LPCAT3: variants seen among roughly 807,000 people sequenced by gnomAD.
LPCAT3 encodes the protein lysophosphatidylcholine acyltransferase 3.
Under a neutral mutation model 63.4 loss-of-function variants are expected in LPCAT3, and 21 were observed. That is an observed-to-expected ratio of 0.33 (90% CI 0.23 to 0.48). The LOEUF is 0.48. Ranked by LOEUF, LPCAT3 falls within the 20% of genes least tolerant of loss-of-function variation. The probability of loss-of-function intolerance (pLI) is 0.99; values close to 1 mark genes in which losing one functional copy is unlikely to be tolerated. For missense variants in LPCAT3, 451 were observed against 590.6 expected, an observed-to-expected ratio of 0.76 and a Z score of 2.45; for synonymous variants, 242 against 227.5, an observed-to-expected ratio of 1.06 and a Z score of -0.58.
At chr12:7,002,371 C>T (rs1162401636) in intron 1 of LPCAT3, among the ~76,000 whole-genome samples, 1 of 152,216 alleles carries the variant, frequency 6.6e-6, no homozygotes, top group Non-Finnish European at 1.5e-5. Flanking sequence ...AAGGTCCGTG[C>T]TCCTCTTCTA....
At chr12:7,016,811 GGAT>G (rs1293555679) in intron 1 of LPCAT3, among the ~76,000 whole-genome samples, 2 of 152,212 alleles carry the variant, frequency 1.3e-5, no homozygotes, top group Non-Finnish European at 2.9e-5. Context: ...TGATAAATTT[GGAT>G]GATGTCTGGG....
chr12:7,006,978 CCTT>C (rs1422383414), intron 1 of LPCAT3, among the ~76,000 whole-genome samples: 1 of 152,190 alleles, frequency 6.6e-6, no homozygotes, highest in African/African-American at 2.4e-5. Context: ...GGAACTTTAA[CCTT>C]CTGGGATCTA....
At position 7,018,430 on chromosome 12, in the gene LPCAT3, C is replaced by T. The variant is rs1946810932; in HGVS notation, c.-6G>A. The T allele has an allele frequency of 6.3e-7, 1 of 1,595,946 alleles. No homozygotes were observed. The highest frequency in any genetic ancestry group is 8.5e-7 in the Non-Finnish European group (1 of 1,170,080). ...CCCTCCGCTGAGGACGCCATCTTAACTCCGGGAGCCCCACAGGGACCCCCC... is the reference window on the plus strand; with the variant it reads ...CCCTCCGCTGAGGACGCCATCTTAATTCCGGGAGCCCCACAGGGACCCCCC... On this transcript the variant is annotated 5_prime_UTR_variant, in exon 1 of 13. Transcript: ENST00000261407. This position sits in a 1 kb window ranked among gnomAD's most constrained non-coding sequence, Gnocchi z 4.9.
intron 1 of LPCAT3, among the ~76,000 whole-genome samples, chr12:7,003,126 C>G (rs781787825): frequency 6.6e-6 from 1 of 152,074 alleles, no homozygotes; most frequent in Non-Finnish European, 1.5e-5. Flanking sequence ...ATGGGCAAAG[C>G]ACAAATGACA....
At chr12:6,991,401 T>C (rs1436095231) in intron 1 of LPCAT3, among the ~76,000 whole-genome samples, 4 of 152,238 alleles carry the variant, frequency 2.6e-5, no homozygotes, top group African/African-American at 9.6e-5. Flanking sequence ...TGCATGACTT[T>C]GTAACATCAC....
intron 1 of LPCAT3, among the ~76,000 whole-genome samples, chr12:6,988,652 T>C (rs1946553218): frequency 6.6e-6 from 1 of 152,156 alleles, no homozygotes; most frequent in Non-Finnish European, 1.5e-5. Context: ...TTGGCTTCCG[T>C]GGGTCTGAGT....
chr12:6,997,587 TTTC>T (rs1385575048), intron 1 of LPCAT3, among the ~76,000 whole-genome samples: 3 of 150,820 alleles, frequency 2.0e-5, no homozygotes, highest in African/African-American at 7.3e-5. Context: ...CTGATTTTCT[TTTC>T]TTTTTTTTTT....
intron 4 of LPCAT3, 76 bp from the exon 5 acceptor site, chr12:6,981,708 CAGAAG>C: frequency 1.1e-6 from 1 of 918,898 alleles, no homozygotes; most frequent in Non-Finnish European, 1.7e-6. Context: ...TGAGTGCAGC[CAGAAG>C]TGTATGGCGG....
chr12:7,010,562 C>T (rs1158791069), intron 1 of LPCAT3, among the ~76,000 whole-genome samples: 2 of 152,170 alleles, frequency 1.3e-5, no homozygotes, highest in Non-Finnish European at 2.9e-5. Flanking sequence ...ACTACAGACA[C>T]ATGCTACCAT....
At position 6,983,549 on chromosome 12, in the gene LPCAT3, G is replaced by A; in HGVS notation, c.152-10C>T. 1 of 1,546,564 alleles carries A rather than the reference G, an allele frequency of 6.5e-7. No individual in the cohort carries two copies. The highest frequency in any genetic ancestry group is 8.9e-7 in the Non-Finnish European group (1 of 1,119,966). On this transcript the variant is annotated splice_polypyrimidine_tract_variant and intron_variant, in intron 1 of 12. Coordinates refer to ENST00000261407, the MANE Select transcript of LPCAT3 (RefSeq NM_005768.6). ...AAAGCAAAGGGGTAACCTAGATGGG[G>A]GAAAAGATAAGAAGAGTGTTATTTG...
intron 1 of LPCAT3, among the ~76,000 whole-genome samples, chr12:7,014,892 CA>C (rs375839002): frequency 0.057 from 3,282 of 57,612 alleles, 61 homozygotes; most frequent in African/African-American, 0.13. Context: ...GACTCCGTCT[CA>C]AAAAAAAAAA....
chr12:6,978,329 C>A lies in LPCAT3; in HGVS notation c.1040+12G>T. On this transcript the variant is annotated intron_variant, in intron 9 of 12. Transcript: ENST00000261407. ...AAGGAACCAGGGTCCAGGCTCCCCA[C>A]CAGCAGCTCACCGGGCCACCCAGGC... is the stretch of plus-strand genomic sequence containing the variant. 1 of 1,600,620 alleles carries A rather than the reference C, an allele frequency of 6.2e-7. No individual in the cohort carries two copies. The highest frequency in any genetic ancestry group is 2.2e-5 in the East Asian group (1 of 44,738).
intron 1 of LPCAT3, 120 bp from the exon 2 acceptor site, chr12:6,983,659 C>T (rs140216337): frequency 6.2e-5 from 41 of 663,490 alleles, no homozygotes; most frequent in African/African-American, 4.4e-4. Context: ...AAACAACATA[C>T]ATTATATGGA....
intron 1 of LPCAT3, among the ~76,000 whole-genome samples, chr12:7,004,510 C>CA: frequency 6.6e-6 from 1 of 152,278 alleles, no homozygotes; most frequent in East Asian, 1.9e-4. Context: ...AATTTGAACC[C>CA]AGACAGCATG....
chr12:7,011,671 A>G (rs1946765499), intron 1 of LPCAT3, among the ~76,000 whole-genome samples: 1 of 151,442 alleles, frequency 6.6e-6, no homozygotes, highest in Non-Finnish European at 1.5e-5. Flanking sequence ...AAAAAAAAGA[A>G]AGAAAGAAAA....
chr12:6,997,865 C>T (rs1384668244), intron 1 of LPCAT3, among the ~76,000 whole-genome samples: 5 of 151,986 alleles, frequency 3.3e-5, no homozygotes, highest in Non-Finnish European at 2.9e-5. Flanking sequence ...GGATTACAGG[C>T]GAGAGCCACT....
intron 1 of LPCAT3, among the ~76,000 whole-genome samples, chr12:6,995,123 T>C (rs1946625742): frequency 1.7e-4 from 1 of 5,860 alleles, no homozygotes; most frequent in African/African-American, 3.6e-4. Context: ...TCTCTGGGCT[T>C]TTTTTTTTTT....
chr12:6,999,916 C>CTTTTTTTTT (rs782553121), intron 1 of LPCAT3, among the ~76,000 whole-genome samples: 3 of 114,534 alleles, frequency 2.6e-5, no homozygotes, highest in African/African-American at 3.3e-5. Context: ...TACTTACATT[C>CTTTTTTTTT]TTTTTTTTTT....
At chr12:7,012,486 C>T (rs1426502458) in intron 1 of LPCAT3, among the ~76,000 whole-genome samples, 2 of 152,178 alleles carry the variant, frequency 1.3e-5, no homozygotes, top group Non-Finnish European at 2.9e-5. Context: ...GGGGAACTGC[C>T]TGTTGACCAT....
Sources: allele counts gnomAD v4.1 joint callset (sites outside exome capture counted in the v4.1 genomes callset), GRCh38; gene constraint gnomAD v4.1.1; non-coding constraint Gnocchi (gnomAD v3.1); transcripts MANE v1.5; gene names NCBI Gene and HGNC (gene_info 2026-07-23, HGNC 2026-07-21).